The following CFAP92 variants were observed in gnomAD, a reference collection of about 807,000 sequenced individuals.
The protein encoded by CFAP92 is cilia and flagella associated protein 92 (putative).
In CFAP92, 86 loss-of-function variants were observed where a neutral mutation model predicts 106.3. The observed-to-expected ratio is 0.81, with a 90% CI of 0.68 to 0.97. The LOEUF is 0.97. Among genes scored for constraint, CFAP92 ranks in the 50% least tolerant of loss-of-function variants. The pLI is 0.00. For missense variants in CFAP92, 1,204 were observed against 1,283.8 expected, an observed-to-expected ratio of 0.94 and a Z score of 0.95; for synonymous variants, 477 against 506.4, an observed-to-expected ratio of 0.94 and a Z score of 0.78.
rs78972767 is a variant in CFAP92, at chr3:128,949,348, C to T, written c.1354-3373G>A. Among the ~76,000 whole-genome samples, 1,024 of 152,288 alleles carry T rather than the reference C, an allele frequency of 6.7e-3. 2 individuals carry two copies. The highest frequency in any genetic ancestry group is 0.011 in the Non-Finnish European group (745 of 68,030). On this transcript the variant is annotated intron_variant, in intron 9 of 15. Transcript: ENST00000645291. ...GAGTGCACGAACAAACTGTGGTACACCCTTGTGATGGAATACTGCTCAGCA... is the reference window on the plus strand; with the variant it reads ...GAGTGCACGAACAAACTGTGGTACATCCTTGTGATGGAATACTGCTCAGCA...
intron 9 of CFAP92, among the ~76,000 whole-genome samples, chr3:128,950,714 TGCA>T (rs1037567082): frequency 6.6e-6 from 1 of 152,204 alleles, no homozygotes; most frequent in African/African-American, 2.4e-5. Flanking sequence ...CCTGATGCAG[TGCA>T]GCAACGTGTG....
rs11361650 is a variant in CFAP92, at chr3:128,938,491, C to CTTT, written c.2259-3175_2259-3173dup. 7.2e-4 allele frequency among the ~76,000 whole-genome samples: 98 copies of CTTT among 135,838 alleles called. 1 individual carries two copies. The highest frequency in any genetic ancestry group is 2.7e-3 in the African/African-American group (98 of 36,126). 89.1% of individuals were successfully genotyped at this position (135,838 alleles called of 152,430 possible). On this transcript the variant is annotated intron_variant, in intron 10 of 15. Transcript: ENST00000645291. The stretch of plus-strand genomic sequence containing the variant: ...GGCAAGTGTGTGTGCCTTCACCATT[C>CTTT]TTTTTTTTTTTTTTTTTTAAGAGAT...
In CFAP92 at chr3:128,915,351, G is replaced by A; in HGVS notation, c.3123+6C>T. 1 of 1,536,116 alleles carries A rather than the reference G, an allele frequency of 6.5e-7. No individual in the cohort carries two copies. The highest frequency in any genetic ancestry group is 1.4e-5 in the African/African-American group (1 of 73,172). On this transcript the variant is annotated splice_donor_region_variant and intron_variant, in intron 14 of 15. Transcript: ENST00000645291. ...CCCACCTGAGACCCTGCTCTTCCCT[G>A]TGGACCTCATTCAGCTCTTTGATGG...
intron 9 of CFAP92, among the ~76,000 whole-genome samples, chr3:128,964,018 C>T (rs902493205): frequency 6.6e-6 from 1 of 152,164 alleles, no homozygotes; most frequent in African/African-American, 2.4e-5. Context: ...GAGAAGGCCA[C>T]CGCAGTCATT....
At chr3:129,025,202 G>A in the CFAP92 span, among the ~76,000 whole-genome samples, 1 of 152,192 alleles carries the variant, frequency 6.6e-6, no homozygotes, top group African/African-American at 2.4e-5. Flanking sequence ...GCAAAGCCAT[G>A]GCGTTGGCTG....
intron 12 of CFAP92, among the ~76,000 whole-genome samples, chr3:128,919,997 T>C (rs1937137647): frequency 6.6e-6 from 1 of 152,098 alleles, no homozygotes; most frequent in South Asian, 2.1e-4. Flanking sequence ...CTCTTTACCA[T>C]TTAACAAAAA....
intron 6 of CFAP92, among the ~76,000 whole-genome samples, chr3:128,976,297 G>A (rs1269210898): frequency 1.3e-5 from 2 of 152,108 alleles, no homozygotes; most frequent in Non-Finnish European, 2.9e-5. Flanking sequence ...TTTATAGGCA[G>A]AACAAATGAA....
chr3:128,996,394 A>C (rs922106301), upstream of CFAP92, among the ~76,000 whole-genome samples: 4 of 152,194 alleles, frequency 2.6e-5, no homozygotes, highest in African/African-American at 9.7e-5. Context: ...CCATATTTTT[A>C]AATTACCACC....
At chr3:128,916,999 T>C (rs998292546) in intron 12 of CFAP92, among the ~76,000 whole-genome samples, 5 of 152,210 alleles carry the variant, frequency 3.3e-5, no homozygotes, top group Non-Finnish European at 7.3e-5. Flanking sequence ...CTACAGTGGC[T>C]TGACTTTGGA....
chr3:128,967,300 G>T (rs1030336878), intron 8 of CFAP92: 1 of 152,190 alleles, frequency 6.6e-6, no homozygotes, highest in Admixed American at 6.5e-5. Context: ...GCTCCTGGGG[G>T]TAGCCCTCAT....
At chr3:128,935,377 G>A (rs1416842202) in intron 10 of CFAP92, 58 bp from the exon 11 acceptor site, 2 of 1,223,518 alleles carry the variant, frequency 1.6e-6, no homozygotes, top group East Asian at 5.2e-5. Context: ...GGACACCGTG[G>A]TGAGGGTGCG....
At chr3:128,912,900 G>A in intron 15 of CFAP92, 1 of 579,222 alleles carries the variant, frequency 1.7e-6, no homozygotes, top group South Asian at 1.4e-5. Flanking sequence ...CACCATAGTG[G>A]AAACTGGGGC....
intron 8 of CFAP92, chr3:128,967,146 T>C (rs1375918120): frequency 1.3e-5 from 2 of 151,414 alleles, no homozygotes; most frequent in Non-Finnish European, 2.9e-5. Flanking sequence ...GATCAGTCTA[T>C]TCCTTTCAAC....
At chr3:128,916,464 G>A (rs1246528271) in intron 12 of CFAP92, among the ~76,000 whole-genome samples, 193 bp from the exon 13 acceptor site, 2 of 152,082 alleles carry the variant, frequency 1.3e-5, no homozygotes, top group African/African-American at 4.8e-5. Context: ...TATCCAAAAT[G>A]GAATTTAAGA....
intron 11 of CFAP92, among the ~76,000 whole-genome samples, chr3:128,934,169 T>C (rs1386255959): frequency 6.6e-6 from 1 of 152,140 alleles, no homozygotes; most frequent in African/African-American, 2.4e-5. Context: ...AACTGTAGCC[T>C]CCTGAGAGTG....
Position 128,953,620 on chromosome 3 carries a change from CCTCCCT to C in CFAP92, c.1354-7651_1354-7646del, listed in dbSNP as rs1553750712. 3.4e-4 allele frequency among the ~76,000 whole-genome samples: 41 copies of C among 119,512 alleles called. 1 individual carries two copies. The highest frequency in any genetic ancestry group is 3.4e-4 in the Non-Finnish European group (21 of 62,518). The allele number at this position is 119,512 out of a possible 152,430, so 78.4% of individuals were successfully genotyped here. ...CCCTCCCCCTCTCCCTCTCCCTCTC[CCTCCCT>C]CTCCGTCTCCCTCTCCCCACGGTCT... On this transcript the variant is annotated intron_variant, in intron 9 of 15. Coordinates refer to ENST00000645291, the MANE Select transcript of CFAP92 (RefSeq NM_001394090.1).
At chr3:128,927,126 T>C (rs959630491) in intron 12 of CFAP92, among the ~76,000 whole-genome samples, 1 of 151,862 alleles carries the variant, frequency 6.6e-6, no homozygotes, top group East Asian at 1.9e-4. Flanking sequence ...TTAGAGACTC[T>C]CTCCATTCAC....
At chr3:129,002,606 G>A (rs1576688610) in exon 1 of CFAP92, 3 of 501,780 alleles carry the variant, frequency 6.0e-6, no homozygotes, top group Non-Finnish European at 6.6e-6. Flanking sequence ...ACATCATCGC[G>A]TCTTGCCCCT....
chr3:129,024,419 T>C, the CFAP92 span, among the ~76,000 whole-genome samples: 1 of 151,758 alleles, frequency 6.6e-6, no homozygotes, highest in East Asian at 1.9e-4. Flanking sequence ...TAGTCCCAAC[T>C]ACTCGGGAGG....
Sources: allele counts gnomAD v4.1 joint callset (sites outside exome capture counted in the v4.1 genomes callset), GRCh38; gene constraint gnomAD v4.1.1; transcripts MANE v1.5; gene names NCBI Gene and HGNC (gene_info 2026-07-23, HGNC 2026-07-21).